The following HERC3 variants were observed in gnomAD, a reference collection of about 807,000 sequenced individuals.
HERC3 encodes HECT and RLD domain containing E3 ubiquitin protein ligase 3.
In HERC3, 58 loss-of-function variants were observed where a neutral mutation model predicts 129.9. That is an observed-to-expected ratio of 0.45 (90% CI 0.36 to 0.56). The LOEUF is 0.56. Among genes scored for constraint, HERC3 ranks in the 20% least tolerant of loss-of-function variants. HERC3 has a pLI of 0.00. For missense variants in HERC3, 835 were observed against 1,244.2 expected (o/e 0.67, Z 4.95); for synonymous variants, 430 against 451.0 (o/e 0.95, Z 0.59).
At chr4:88,585,308 T>A in the HERC3 span, among the ~76,000 whole-genome samples, 1 of 152,192 alleles carries the variant, frequency 6.6e-6, no homozygotes, top group African/African-American at 2.4e-5. Context: ...ACAAAAGTAC[T>A]CAAAGTACAT....
chr4:88,614,125 CAA>C (rs760542700), intron 3 of HERC3, among the ~76,000 whole-genome samples: 2 of 152,084 alleles, frequency 1.3e-5, no homozygotes, highest in Non-Finnish European at 2.9e-5. Context: ...CTTCGTGAAA[CAA>C]GAATTTTAGT....
rs570263321 is a variant in HERC3, at chr4:88,681,703, G to T, written c.2507+378G>T. ...TAATTAAACTGTTTTTGTTGTTGAGGCAAAATAGATACACATATTTTGGGG... is the reference window on the plus strand; with the variant it reads ...TAATTAAACTGTTTTTGTTGTTGAGTCAAAATAGATACACATATTTTGGGG... On this transcript the variant is annotated intron_variant, in intron 21 of 25. Transcript: ENST00000402738. Among the ~76,000 whole-genome samples the T allele has an allele frequency of 9.9e-5, 15 of 152,164 alleles. No individual in the cohort carries two copies. In the South Asian group the frequency reaches 2.9e-3, roughly 29 times the overall value.
intron 16 of HERC3, among the ~76,000 whole-genome samples, chr4:88,674,221 C>G (rs1289536997): frequency 4.6e-5 from 7 of 151,170 alleles, no homozygotes; most frequent in Admixed American, 1.3e-4. Flanking sequence ...CAGGGAGGCT[C>G]AAGGTGGGGG....
intron 16 of HERC3, among the ~76,000 whole-genome samples, chr4:88,674,948 A>G (rs1732002600): frequency 1.3e-5 from 2 of 152,216 alleles, no homozygotes. Flanking sequence ...CCATAAGGAC[A>G]AGAGGAGGCA....
the HERC3 span, among the ~76,000 whole-genome samples, chr4:88,539,287 G>C: frequency 1.3e-5 from 2 of 152,172 alleles, no homozygotes; most frequent in South Asian, 4.1e-4. Flanking sequence ...CTGGCTCTGC[G>C]GGTCCCATGC....
chr4:88,680,314 C>A, intron 20 of HERC3, 78 bp downstream of exon 20: 1 of 1,108,488 alleles, frequency 9.0e-7, no homozygotes, highest in East Asian at 2.5e-5. Context: ...CCCCTAACTT[C>A]TAACTTTGCA....
intron 1 of HERC3, among the ~76,000 whole-genome samples, chr4:88,593,988 C>G (rs1479879328): frequency 3.9e-5 from 6 of 152,104 alleles, no homozygotes; most frequent in South Asian, 2.1e-4. Context: ...ATGGTCGTAC[C>G]GCCTTCGAGG....
chr4:88,595,318 A>G (rs939720294), intron 1 of HERC3, among the ~76,000 whole-genome samples: 34 of 152,168 alleles, frequency 2.2e-4, no homozygotes, highest in Admixed American at 6.5e-4. Context: ...ATAAGGTGAT[A>G]TCTATATCTC....
At chr4:88,555,558 T>A in the HERC3 span, among the ~76,000 whole-genome samples, 1 of 151,732 alleles carries the variant, frequency 6.6e-6, no homozygotes, top group African/African-American at 2.4e-5. Context: ...TTTTTATGGC[T>A]AATTATCATT....
upstream of HERC3, among the ~76,000 whole-genome samples, chr4:88,591,929 G>C (rs1443440792): frequency 6.6e-6 from 1 of 151,856 alleles, no homozygotes; most frequent in Non-Finnish European, 1.5e-5. Context: ...CTCTCCAGAA[G>C]AGCGCCGGCG....
chr4:88,581,774 T>C, the HERC3 span, among the ~76,000 whole-genome samples: 2 of 152,184 alleles, frequency 1.3e-5, no homozygotes, highest in African/African-American at 4.8e-5. Flanking sequence ...CTTAAAAGAT[T>C]TTATTTCAGT....
intron 4 of HERC3, 100 bp from the exon 5 acceptor site, chr4:88,651,912 G>T: frequency 1.1e-6 from 1 of 890,992 alleles, no homozygotes; most frequent in Non-Finnish European, 1.8e-6. Context: ...AGGCAAGATG[G>T]TGTTATTTAT....
intron 3 of HERC3, among the ~76,000 whole-genome samples, chr4:88,644,554 A>C (rs1728492160): frequency 6.6e-6 from 1 of 152,218 alleles, no homozygotes; most frequent in African/African-American, 2.4e-5. Context: ...TAAAAAACTC[A>C]AAACTATAGT....
chr4:88,589,655 T>C (rs1721612977), upstream of HERC3, among the ~76,000 whole-genome samples: 1 of 152,318 alleles, frequency 6.6e-6, no homozygotes, highest in East Asian at 1.9e-4. Context: ...AAGTAAACCA[T>C]GGCCTCTTCA....
intron 13 of HERC3, 74 bp from the exon 14 acceptor site, chr4:88,667,818 G>A: frequency 9.0e-7 from 1 of 1,107,060 alleles, no homozygotes; most frequent in South Asian, 1.4e-5. Flanking sequence ...CTATCAAATA[G>A]CTTATGAACT....
chr4:88,571,923 G>A, the HERC3 span, among the ~76,000 whole-genome samples: 5 of 152,096 alleles, frequency 3.3e-5, no homozygotes, highest in Admixed American at 1.3e-4. Context: ...TCTTAATCCC[G>A]GTGCCTCAGA....
chr4:88,702,196 TCATATC>T (rs1394470256), intron 23 of HERC3, among the ~76,000 whole-genome samples: 1 of 152,196 alleles, frequency 6.6e-6, no homozygotes, highest in Non-Finnish European at 1.5e-5. Context: ...AAGCAAAATC[TCATATC>T]CATAAACAAT....
chr4:88,676,109 C>T, intron 16 of HERC3, 109 bp from the exon 17 acceptor site: 1 of 768,950 alleles, frequency 1.3e-6, no homozygotes, highest in Non-Finnish European at 2.2e-6. Flanking sequence ...AGTTCTATGG[C>T]CAGTAGTCAG....
rs561679571 is a variant in HERC3 at position 88,682,693 on chromosome 4, G to A, written c.2507+1368G>A. Among the ~76,000 whole-genome samples the A allele has an allele frequency of 2.6e-5, 4 of 152,250 alleles. No homozygotes were observed. In the East Asian group the frequency reaches 5.8e-4, roughly 22 times the overall value. On this transcript the variant is annotated intron_variant, in intron 21 of 25. Coordinates refer to ENST00000402738, the MANE Select transcript of HERC3 (RefSeq NM_014606.3). ...CTGCATAGTATTCCATGGTGTATAT[G>A]TGCCACACTTTCTTAATCCAGTCTA... is the stretch of plus-strand genomic sequence containing the variant.
Sources: allele counts gnomAD v4.1 joint callset (sites outside exome capture counted in the v4.1 genomes callset), GRCh38; gene constraint gnomAD v4.1.1; transcripts MANE v1.5; gene names NCBI Gene and HGNC (gene_info 2026-07-23, HGNC 2026-07-21).